The following NSD1 variants were observed in gnomAD, a reference collection of about 807,000 sequenced individuals.
NSD1 encodes the protein nuclear receptor binding SET domain protein 1, also known as histone-lysine N-methyltransferase, H3 lysine-36 specific.
A neutral mutation model predicts 242.7 loss-of-function variants in NSD1; 26 were observed. That is an observed-to-expected ratio of 0.11 (90% CI 0.08 to 0.15). NSD1 has a LOEUF of 0.15. Among genes scored for constraint, NSD1 ranks in the 10% least tolerant of loss-of-function variants. The pLI, the probability that NSD1 is intolerant of heterozygous loss-of-function variation, is 1.00. For synonymous variants in NSD1, 1,106 were observed against 1,178.1 expected, an observed-to-expected ratio of 0.94 and a Z score of 1.25; for missense variants, 2,495 against 3,272.8, an observed-to-expected ratio of 0.76 and a Z score of 5.80.
chr5:177,207,592 A>ATT (rs1562201568), intron 4 of NSD1, among the ~76,000 whole-genome samples: 1 of 100,116 alleles, frequency 1.0e-5, no homozygotes, highest in Non-Finnish European at 1.8e-5. Flanking sequence ...TATTTATTTA[A>ATT]ATTTTTTTTT....
At chr5:177,145,895 C>T (rs999247943) in intron 2 of NSD1, among the ~76,000 whole-genome samples, 8 of 127,082 alleles carry the variant, frequency 6.3e-5, no homozygotes, top group Non-Finnish European at 9.4e-5. Context: ...GCTAGAAGAG[C>T]GAAACTCCAT....
chr5:177,247,170 C>G (rs1421792847), intron 10 of NSD1, among the ~76,000 whole-genome samples: 3 of 152,226 alleles, frequency 2.0e-5, no homozygotes, highest in African/African-American at 7.2e-5. Context: ...TGGCTCACGC[C>G]TGTAATCCCA....
At chr5:177,288,081 G>A (rs1759478154) in intron 20 of NSD1, among the ~76,000 whole-genome samples, 1 of 152,124 alleles carries the variant, frequency 6.6e-6, no homozygotes, top group African/African-American at 2.4e-5. Flanking sequence ...CTTATATTTG[G>A]TAGGCCTCCC....
In NSD1 at chr5:177,235,828, G is replaced by T; in HGVS notation, c.3804G>T (p.Arg1268=). ...PQAELPEPAV[R]SEKKRLRKPS... Reference sequence around the variant, plus strand: ...TTGTTTATCATCTTTTAGCTGTGCGGTCAGAGAAGAAACGCCTTAGGAAGC... The same window carrying T: ...TTGTTTATCATCTTTTAGCTGTGCGTTCAGAGAAGAAACGCCTTAGGAAGC... Residue 1268 remains arginine, a synonymous_variant, in exon 6 of 23, where the codon CGG becomes CGT. Transcript: ENST00000439151. The T allele has an allele frequency of 6.2e-7, 1 of 1,613,998 alleles. No homozygotes were observed. Among genetic ancestry groups the T allele is most frequent in the East Asian group, 2.2e-5 (1 of 44,866 alleles).
chr5:177,291,846 AT>A lies in NSD1; in HGVS notation c.6259-107del. On this transcript the variant is annotated intron_variant, in intron 21 of 22. Coordinates refer to ENST00000439151, the MANE Select transcript of NSD1 (RefSeq NM_022455.5). Reference sequence around the variant, plus strand: ...TTTCCTGCATTTTATCTTCATGACAATCTCTTTTCCCAGAGAAGAGAATGAG... The same window carrying A: ...TTTCCTGCATTTTATCTTCATGACAACTCTTTTCCCAGAGAAGAGAATGAG... 5.7e-6 allele frequency: 6 copies of A among 1,053,638 alleles called. No homozygotes were observed. The South Asian group carries it at 6.8e-5, about 12-fold the overall frequency. The allele number at this position is 1,053,638 out of a possible 1,614,324, so 65.3% of individuals were successfully genotyped here. A position where few individuals can be genotyped will look rare whatever the true frequency, so the allele number is the denominator to read the frequency against.
chr5:177,147,914 A>G (rs1757386333), intron 2 of NSD1, among the ~76,000 whole-genome samples: 1 of 151,668 alleles, frequency 6.6e-6, no homozygotes, highest in Non-Finnish European at 1.5e-5. Flanking sequence ...TTTATCACTA[A>G]GTAATATTCC....
intron 2 of NSD1, among the ~76,000 whole-genome samples, chr5:177,143,120 A>C (rs1459169158): frequency 6.6e-6 from 1 of 152,178 alleles, no homozygotes; most frequent in Admixed American, 6.5e-5. Flanking sequence ...GAGTGAGTAC[A>C]TTTTAGAAAG....
intron 2 of NSD1, among the ~76,000 whole-genome samples, chr5:177,158,115 C>T (rs887211849): frequency 6.6e-6 from 1 of 152,078 alleles, no homozygotes; most frequent in Non-Finnish European, 1.5e-5. Context: ...TGGGAAAATA[C>T]CTAGAAGTGG....
intron 16 of NSD1, among the ~76,000 whole-genome samples, chr5:177,271,769 G>A (rs1469552363): frequency 1.3e-5 from 2 of 152,132 alleles, no homozygotes; most frequent in Admixed American, 1.3e-4. Flanking sequence ...ACTTTAGCCT[G>A]GGACATTGTT....
chr5:177,240,638 A>G (rs1277149727), intron 8 of NSD1, among the ~76,000 whole-genome samples: 3 of 152,064 alleles, frequency 2.0e-5, no homozygotes, highest in African/African-American at 4.8e-5. Flanking sequence ...GTGTGAACCC[A>G]GGAGGCGGAG....
At chr5:177,234,809 TC>T (rs1327114888) in intron 5 of NSD1, among the ~76,000 whole-genome samples, 1 of 151,700 alleles carries the variant, frequency 6.6e-6, no homozygotes, top group African/African-American at 2.4e-5. Context: ...TAAAAAGCTA[TC>T]CCACAGAATG....
At chr5:177,251,949 C>A in intron 12 of NSD1, 96 bp downstream of exon 12, 1 of 1,461,658 alleles carries the variant, frequency 6.8e-7, no homozygotes, top group Non-Finnish European at 9.5e-7. Context: ...TGTGGCAACA[C>A]TGGGCTAGTT....
chr5:177,260,260 C>A, intron 14 of NSD1, 92 bp downstream of exon 14: 1 of 1,222,700 alleles, frequency 8.2e-7, no homozygotes, highest in Non-Finnish European at 1.2e-6. Context: ...CATATTGCCA[C>A]TGGAAAAAAT....
chr5:177,284,125 A>G (rs985281036), intron 20 of NSD1, among the ~76,000 whole-genome samples, 197 bp downstream of exon 20: 2 of 152,186 alleles, frequency 1.3e-5, no homozygotes, highest in African/African-American at 4.8e-5. Context: ...CTAAAACTCT[A>G]TACCTACTAA....
chr5:177,145,763 C>A (rs1490663600), intron 2 of NSD1, among the ~76,000 whole-genome samples: 1 of 152,006 alleles, frequency 6.6e-6, no homozygotes, highest in Non-Finnish European at 1.5e-5. Flanking sequence ...ACAAAATTAG[C>A]CAGGCGTGAT....
intron 2 of NSD1, among the ~76,000 whole-genome samples, chr5:177,183,944 C>A (rs762780683): frequency 6.6e-6 from 1 of 152,310 alleles, no homozygotes; most frequent in South Asian, 2.1e-4. Flanking sequence ...CCAGTTCCAT[C>A]TATGTTGTTG....
rs1760396537 is a variant in NSD1, at chr5:177,298,683, C to G, written c.*3224C>G. 4.3e-6 allele frequency: 1 copy of G among 233,206 alleles called. No homozygotes were observed. Among genetic ancestry groups the G allele is most frequent in the Non-Finnish European group, 8.5e-6 (1 of 118,028 alleles). 14.4% of individuals were successfully genotyped at this position (233,206 alleles called of 1,614,324 possible). On this transcript the variant is annotated 3_prime_UTR_variant, in exon 23 of 23. Transcript: ENST00000439151. Reference sequence around the variant, plus strand: ...ACACTATGGTCAGGGCATGAAACACCCTGTTGATCCCTTCCCAGGCTCGGC... The same window carrying G: ...ACACTATGGTCAGGGCATGAAACACGCTGTTGATCCCTTCCCAGGCTCGGC...
intron 5 of NSD1, among the ~76,000 whole-genome samples, chr5:177,230,343 A>G (rs777848357): frequency 1.1e-4 from 17 of 152,156 alleles, no homozygotes; most frequent in African/African-American, 3.9e-4. Flanking sequence ...TTTATGAGCC[A>G]TAAGTTCTCT....
At chr5:177,268,436 C>G (rs1169934485) in intron 15 of NSD1, among the ~76,000 whole-genome samples, 1 of 151,450 alleles carries the variant, frequency 6.6e-6, no homozygotes, top group South Asian at 2.1e-4. Flanking sequence ...ATGTAACAAA[C>G]CACGTTGTGC....
Sources: gnomAD v4.1 joint callset for allele counts (sites outside exome capture counted in the v4.1 genomes callset) on GRCh38, gnomAD v4.1.1 for gene constraint, MANE v1.5 for transcripts, NCBI Gene and HGNC (gene_info 2026-07-23, HGNC 2026-07-21) for gene names.